The following SIPA1L3 variants were observed in gnomAD, a reference collection of about 807,000 sequenced individuals.
SIPA1L3 encodes signal induced proliferation associated 1 like 3, also known as signal-induced proliferation-associated 1-like protein 3.
In SIPA1L3, 59 loss-of-function variants were observed where a neutral mutation model predicts 150.1. That is an observed-to-expected ratio of 0.39 (90% CI 0.32 to 0.49). The LOEUF is 0.49. Ranked by LOEUF, SIPA1L3 falls within the 20% of genes least tolerant of loss-of-function variation. The pLI is 0.86. For synonymous variants in SIPA1L3, 1,070 were observed against 1,077.6 expected (o/e 0.99, Z 0.14); for missense variants, 2,211 against 2,489.5 (o/e 0.89, Z 2.38).
At position 37,998,979 on chromosome 19, in the gene SIPA1L3, T is replaced by TCACACA. The variant is rs35998048; in HGVS notation, c.-378-30082_-378-30077dup. Among the ~76,000 whole-genome samples the TCACACA allele has an allele frequency of 5.2e-3, 755 of 146,010 alleles. 4 individuals carry two copies. The highest frequency in any genetic ancestry group is 0.019 in the African/African-American group (730 of 39,266). On this transcript the variant is annotated intron_variant, in intron 1 of 21. Transcript: ENST00000222345. ...ACAGAACAAAAACCAGCCCTATCTA[T>TCACACA]CACACACACACACACACACACACAC...
intron 10 of SIPA1L3, among the ~76,000 whole-genome samples, chr19:38,138,769 A>G (rs563471835): frequency 4.6e-5 from 7 of 151,766 alleles, no homozygotes; most frequent in East Asian, 1.9e-4. Context: ...ATGGTGGCAC[A>G]TGCCTGTAAT....
chr19:38,199,837 A>G (rs1973046279), intron 19 of SIPA1L3: 2 of 136,754 alleles, frequency 1.5e-5, no homozygotes, highest in African/African-American at 5.0e-5. Context: ...TGTTCATAGC[A>G]TAGTAATTTT....
rs1382494378 is a variant in SIPA1L3, at chr19:38,204,113, C to T, written c.5121-14C>T. On this transcript the variant is annotated splice_polypyrimidine_tract_variant and intron_variant, in intron 20 of 21. Coordinates refer to ENST00000222345, the MANE Select transcript of SIPA1L3 (RefSeq NM_015073.3). ...TTTAGGGCCTCAGGCTGACCTTGTC[C>T]CTGGTTTTTCCAGCGAGGAGCCACC... 2 of 1,553,616 alleles carry T rather than the reference C, an allele frequency of 1.3e-6. No homozygotes were observed. Among genetic ancestry groups the T allele is most frequent in the Admixed American group, 1.9e-5 (1 of 51,748 alleles).
In SIPA1L3 at chr19:38,110,294, C is replaced by T. The variant is rs138105681; in HGVS notation, c.2201C>T (p.Pro734Leu). The change falls in exon 8 of 22, where the codon CCG (proline) becomes CTG (leucine). Residue 734 changes from proline (P) to leucine (L), a missense_variant. Physicochemically the swap from Pro to Leu is moderately conservative, Grantham distance 98. Coordinates refer to ENST00000222345, the MANE Select transcript of SIPA1L3 (RefSeq NM_015073.3). ...ATCTTCCAGGAGCCTGGCGCGCTAC[C>T]GTTCACCCCCAAGAACATCCGCTCC... ...TIIFQEPGAL[P>L]FTPKNIRSHF... The T allele has an allele frequency of 2.7e-5, 44 of 1,614,032 alleles. No homozygotes were observed. The highest frequency in any genetic ancestry group is 1.9e-4 in the African/African-American group (14 of 74,912).
intron 1 of SIPA1L3, among the ~76,000 whole-genome samples, chr19:37,937,741 CA>C (rs34881450): frequency 0.011 from 197 of 18,678 alleles, 9 homozygotes; most frequent in Non-Finnish European, 0.015. Flanking sequence ...AACCCTGTCT[CA>C]AAAAAAAAAA....
intron 1 of SIPA1L3, among the ~76,000 whole-genome samples, chr19:38,014,237 G>A (rs1324427572): frequency 2.0e-5 from 3 of 152,218 alleles, no homozygotes; most frequent in Non-Finnish European, 2.9e-5. Flanking sequence ...CTGTTCCTGG[G>A]TGCCAGGTGC....
intron 14 of SIPA1L3, among the ~76,000 whole-genome samples, chr19:38,163,904 G>A (rs1479829850): frequency 2.6e-5 from 4 of 152,180 alleles, no homozygotes; most frequent in Admixed American, 2.6e-4. Flanking sequence ...GGCTGCGTGT[G>A]GGGAATAAAC....
At chr19:38,090,051 C>T (rs1327019802) in intron 4 of SIPA1L3, among the ~76,000 whole-genome samples, 2 of 152,112 alleles carry the variant, frequency 1.3e-5, no homozygotes, top group African/African-American at 4.8e-5. Context: ...TCAGACTGGC[C>T]AGGCGCAGTG....
chr19:37,942,268 T>C (rs1599821287), intron 1 of SIPA1L3, among the ~76,000 whole-genome samples: 2 of 151,688 alleles, frequency 1.3e-5, no homozygotes, highest in East Asian at 3.9e-4. Context: ...TGGGGATGAA[T>C]AATGCTGTGG....
intron 3 of SIPA1L3, among the ~76,000 whole-genome samples, chr19:38,087,084 C>T (rs929484650): frequency 3.1e-4 from 47 of 152,170 alleles, no homozygotes; most frequent in Non-Finnish European, 3.1e-4. Context: ...TTTGTTAAAA[C>T]TGGATTTTAC....
chr19:37,942,420 A>G (rs2046667946), intron 1 of SIPA1L3, among the ~76,000 whole-genome samples: 2 of 151,170 alleles, frequency 1.3e-5, no homozygotes, highest in Non-Finnish European at 2.9e-5. Context: ...CAAAGGTGCC[A>G]GCCTTGTGAA....
At chr19:38,138,387 G>A (rs9941467) in intron 10 of SIPA1L3, among the ~76,000 whole-genome samples, 23,408 of 152,056 alleles carry the variant, frequency 0.15, 1,882 homozygotes, top group African/African-American at 0.19. Flanking sequence ...AGGACTCTGC[G>A]TACCAGCAAC....
At position 38,047,506 on chromosome 19, in the gene SIPA1L3, A is replaced by G. The variant is rs1470421824; in HGVS notation, c.-311+18350A>G. Among the ~76,000 whole-genome samples the G allele has an allele frequency of 6.6e-6, 1 of 152,108 alleles. No individual in the cohort carries two copies. The highest frequency in any genetic ancestry group is 6.6e-5 in the Admixed American group (1 of 15,266). Reference sequence around the variant, plus strand: ...AATGAATGAACCGACATGGCCAGTGACACAATGTCTCACTGGGTAGGTTTG... The same window carrying G: ...AATGAATGAACCGACATGGCCAGTGGCACAATGTCTCACTGGGTAGGTTTG... On this transcript the variant is annotated intron_variant, in intron 2 of 21. Transcript: ENST00000222345. This position sits in a 1 kb window ranked among gnomAD's most constrained non-coding sequence, Gnocchi z 4.7.
At chr19:37,966,455 G>T (rs1263436132) in intron 1 of SIPA1L3, among the ~76,000 whole-genome samples, 1 of 152,196 alleles carries the variant, frequency 6.6e-6, no homozygotes, top group African/African-American at 2.4e-5. Flanking sequence ...TATGAGACCA[G>T]CATGGAGCGG....
chr19:38,017,269 T>C (rs143175539), intron 1 of SIPA1L3, among the ~76,000 whole-genome samples: 25 of 152,312 alleles, frequency 1.6e-4, no homozygotes, highest in South Asian at 1.0e-3. Flanking sequence ...ATTGAATTCA[T>C]GTAACAGGCA....
chr19:38,091,737 G>A (rs1970263433), intron 4 of SIPA1L3, among the ~76,000 whole-genome samples: 1 of 152,168 alleles, frequency 6.6e-6, no homozygotes, highest in Non-Finnish European at 1.5e-5. Flanking sequence ...CCAACTCAGT[G>A]CTAGCGTTTG....
intron 1 of SIPA1L3, chr19:37,907,629 C>T (rs1233779149): frequency 6.6e-6 from 1 of 152,382 alleles, no homozygotes; most frequent in Non-Finnish European, 1.5e-5. Context: ...GAGCCGCGAT[C>T]TGGGAAAACC....
At chr19:38,199,612 G>GT (rs111412442) in intron 19 of SIPA1L3, among the ~76,000 whole-genome samples, 1 of 150,626 alleles carries the variant, frequency 6.6e-6, no homozygotes, top group African/African-American at 2.4e-5. Context: ...TTACGGGGGA[G>GT]AGGGGGGAGT....
At chr19:37,942,366 C>G (rs993851522) in intron 1 of SIPA1L3, among the ~76,000 whole-genome samples, 1 of 151,686 alleles carries the variant, frequency 6.6e-6, no homozygotes, top group Non-Finnish European at 1.5e-5. Context: ...TGGGGGAGAG[C>G]CTCCTCGGGG....
Sources: gnomAD v4.1 joint callset for allele counts (sites outside exome capture counted in the v4.1 genomes callset) on GRCh38, gnomAD v4.1.1 for gene constraint, Gnocchi (gnomAD v3.1) non-coding constraint, MANE v1.5 for transcripts, NCBI Gene and HGNC (gene_info 2026-07-23, HGNC 2026-07-21) for gene names.